The following SEPTIN3 variants were observed in gnomAD, a reference collection of about 807,000 sequenced individuals.
SEPTIN3 encodes the protein neuronal-specific septin-3.
Under a neutral mutation model 45.1 loss-of-function variants are expected in SEPTIN3, and 15 were observed. The observed-to-expected ratio is 0.33, with a 90% CI of 0.22 to 0.51. The LOEUF (loss-of-function observed/expected upper bound fraction) is 0.51, where lower values mean the gene tolerates loss of function less well. SEPTIN3 is among the 20% of genes least tolerant of loss of function. The pLI, the probability that SEPTIN3 is intolerant of heterozygous loss-of-function variation, is 0.97. For synonymous variants in SEPTIN3, 148 were observed against 164.8 expected, an observed-to-expected ratio of 0.90 and a Z score of 0.78; for missense variants, 289 against 457.2, an observed-to-expected ratio of 0.63 and a Z score of 3.35.
In SEPTIN3 at chr22:41,971,975, C is replaced by A. The variant is rs1007994565; in HGVS notation, c.483C>A (p.Gly161=). 2.5e-6 allele frequency: 1 copy of A among 399,120 alleles called. No individual in the cohort carries two copies. Among genetic ancestry groups the A allele is most frequent in the African/African-American group, 2.1e-5 (1 of 48,740 alleles). The allele number at this position is 399,120 out of a possible 1,614,324, so 24.7% of individuals were successfully genotyped here. A position where few individuals can be genotyped will look rare whatever the true frequency, so the allele number is the denominator to read the frequency against. The change falls in exon 2 of 12, where the codon GGC becomes GGA. Residue 161 remains glycine, a synonymous_variant. Transcript: ENST00000644076. ...CACCTGTGACCCTAGTGCCAGGGGG[C>A]AGGGTCCACTCTGAGGGCCCAGGGA... ...GSPPVTLVPG[G]RVHSEGPGNP...
intron 2 of SEPTIN3, among the ~76,000 whole-genome samples, chr22:41,979,696 C>T (rs1175497142): frequency 6.6e-6 from 1 of 152,196 alleles, no homozygotes; most frequent in East Asian, 1.9e-4. Context: ...CTGGGGAGGT[C>T]CTGAGGCTTT....
intron 2 of SEPTIN3, 115 bp from the exon 3 acceptor site, chr22:41,981,530 C>T: frequency 3.6e-6 from 3 of 825,472 alleles, no homozygotes; most frequent in South Asian, 1.8e-5. Context: ...TACTAAGATC[C>T]CTTCCAGGCC....
chr22:41,994,448 C>A lies in SEPTIN3; in HGVS notation c.2411+107C>A. 6.7e-7 allele frequency: 1 copy of A among 1,499,188 alleles called. No homozygotes were observed. The highest frequency in any genetic ancestry group is 1.4e-5 in the African/African-American group (1 of 72,442). The allele number at this position is 1,499,188 out of a possible 1,614,324, so 92.9% of individuals were successfully genotyped here. On this transcript the variant is annotated intron_variant, in intron 10 of 11. Transcript: ENST00000644076. This position sits in a 1 kb window ranked among gnomAD's most constrained non-coding sequence, Gnocchi z 4.2. ...GCATCTCCAGGTCTCTCTGACAGAG[C>A]TTTCTGCCCCAGTTCCAGCTCCTGT... is the stretch of plus-strand genomic sequence containing the variant.
intron 6 of SEPTIN3, among the ~76,000 whole-genome samples, 183 bp downstream of exon 6, chr22:41,987,942 G>A (rs181463488): frequency 6.6e-5 from 10 of 152,066 alleles, no homozygotes; most frequent in Middle Eastern, 3.4e-3. Flanking sequence ...GACTTTCCAC[G>A]AGGAAGTTTG....
At position 41,976,871 on chromosome 22, in the gene SEPTIN3, C is replaced by G. The variant is rs1484498132; in HGVS notation, c.1504+3875C>G. On this transcript the variant is annotated intron_variant, in intron 2 of 11. Transcript: ENST00000644076. This position sits in a 1 kb window ranked among gnomAD's most constrained non-coding sequence, Gnocchi z 5.8. ...GGCGCCGAGCGAGCCGAGGCGAGGTCCCGGGGAGGGCGCGGCGGCGCGGGG... is the reference window on the plus strand; with the variant it reads ...GGCGCCGAGCGAGCCGAGGCGAGGTGCCGGGGAGGGCGCGGCGGCGCGGGG... 6.0e-6 allele frequency: 1 copy of G among 167,766 alleles called. No homozygotes were observed. Among genetic ancestry groups the G allele is most frequent in the African/African-American group, 2.4e-5 (1 of 41,074 alleles). The allele number at this position is 167,766 out of a possible 1,614,324, so 10.4% of individuals were successfully genotyped here.
chr22:41,994,531 C>A lies in SEPTIN3; in HGVS notation c.2412-90C>A, dbSNP rs981666326. 3 of 1,586,954 alleles carry A rather than the reference C, an allele frequency of 1.9e-6. No homozygotes were observed. The African/African-American group carries it at 4.0e-5, about 21-fold the overall frequency. On this transcript the variant is annotated intron_variant, in intron 10 of 11. Coordinates refer to ENST00000644076, the MANE Select transcript of SEPTIN3 (RefSeq NM_001363845.2). This position sits in a 1 kb window ranked among gnomAD's most constrained non-coding sequence, Gnocchi z 4.2. Reference sequence around the variant, plus strand: ...AGCTCCTGGGAGTGGTTCCCATTCACTGGGTCCAGTCCCTCGAAGTGATGT... The same window carrying A: ...AGCTCCTGGGAGTGGTTCCCATTCAATGGGTCCAGTCCCTCGAAGTGATGT...
intron 2 of SEPTIN3, among the ~76,000 whole-genome samples, chr22:41,974,860 G>GAAAAAAAAAAAA (rs55642127): frequency 1.3e-5 from 1 of 74,290 alleles, no homozygotes; most frequent in African/African-American, 5.1e-5. Flanking sequence ...GTCTCAAAAA[G>GAAAAAAAAAAAA]AAAAAAAAAA....
rs13053833 is a variant in SEPTIN3 at position 41,976,377 on chromosome 22, C to T, written c.1504+3381C>T. ...ATGCGTGAAATTTTTTTCTAATGGG[C>T]AAACTGAGGCTCAGAGAAGTTCCTG... On this transcript the variant is annotated intron_variant, in intron 2 of 11. Transcript: ENST00000644076. The surrounding 1 kb of genome is among the most constrained non-coding windows in gnomAD (Gnocchi z 5.8). 6.6e-3 allele frequency: 1,011 copies of T among 152,428 alleles called. 5 individuals carry two copies. The highest frequency in any genetic ancestry group is 0.011 in the Non-Finnish European group (741 of 68,098). The allele number at this position is 152,428 out of a possible 1,614,324, so 9.4% of individuals were successfully genotyped here.
At position 41,989,668 on chromosome 22, in the gene SEPTIN3, C is replaced by T. The variant is rs1436956757; in HGVS notation, c.2147C>T (p.Ser716Phe). The T allele has an allele frequency of 1.2e-6, 2 of 1,611,356 alleles. No homozygotes were observed. Among genetic ancestry groups the T allele is most frequent in the Non-Finnish European group, 1.7e-6 (2 of 1,177,608 alleles). Residue 716 changes from serine to phenylalanine, a missense_variant, in exon 7 of 12, where the codon TCT becomes TTT. Ser to Phe is a radical substitution (Grantham distance 155). Around this residue, in one of 3 missense-constraint regions of SEPTIN3, gnomAD observed 200 missense variants for 315.1 expected, o/e 0.63. Transcript: ENST00000644076. ...KADTMTLEEKSEFKQRVRKEL... is the reference protein window; with the variant it reads ...KADTMTLEEKFEFKQRVRKEL... ...GACACCATGACCCTGGAGGAGAAGTCTGAATTCAAGCAAAGGGTGAGAAGG... is the reference window on the plus strand; with the variant it reads ...GACACCATGACCCTGGAGGAGAAGTTTGAATTCAAGCAAAGGGTGAGAAGG...
intron 8 of SEPTIN3, among the ~76,000 whole-genome samples, 183 bp downstream of exon 8, chr22:41,991,851 G>A (rs2146719668): frequency 6.6e-6 from 1 of 151,968 alleles, no homozygotes; most frequent in East Asian, 1.9e-4. Context: ...CCACAGAAGG[G>A]CTCCCTGTAC....
At chr22:41,987,596 A>G (rs766264093) in intron 5 of SEPTIN3, 26 bp from the exon 6 acceptor site, 6 of 1,598,382 alleles carry the variant, frequency 3.8e-6, no homozygotes, top group South Asian at 2.2e-5. Context: ...CTTCTGATGC[A>G]TCTATCTACT....
In SEPTIN3 at chr22:41,971,986, C is replaced by T; in HGVS notation, c.494C>T (p.Ser165Phe). ...CTAGTGCCAGGGGGCAGGGTCCACTCTGAGGGCCCAGGGAACCCAGGTCTG... is the reference window on the plus strand; with the variant it reads ...CTAGTGCCAGGGGGCAGGGTCCACTTTGAGGGCCCAGGGAACCCAGGTCTG... Reference protein sequence around the residue: ...VTLVPGGRVHSEGPGNPGLTK... With the variant: ...VTLVPGGRVHFEGPGNPGLTK... Residue 165 changes from serine (S) to phenylalanine (F), a missense_variant, in exon 2 of 12, where the codon TCT (serine) becomes TTT (phenylalanine). By Grantham distance (155) the Ser-to-Phe change is radical. Around this residue, in one of 3 missense-constraint regions of SEPTIN3, gnomAD observed 200 missense variants for 315.1 expected, o/e 0.63. Coordinates refer to ENST00000644076, the MANE Select transcript of SEPTIN3 (RefSeq NM_001363845.2). 2.5e-6 allele frequency: 1 copy of T among 399,146 alleles called. No homozygotes were observed. The allele number at this position is 399,146 out of a possible 1,614,324, so 24.7% of individuals were successfully genotyped here. A position where few individuals can be genotyped will look rare whatever the true frequency, so the allele number is the denominator to read the frequency against.
rs1405768722 is a variant in SEPTIN3 at position 41,976,070 on chromosome 22, A to G, written c.1504+3074A>G. Among the ~76,000 whole-genome samples the G allele has an allele frequency of 5.9e-5, 9 of 151,606 alleles. No individual in the cohort carries two copies. The highest frequency in any genetic ancestry group is 4.6e-4 in the Admixed American group (7 of 15,218). On this transcript the variant is annotated intron_variant, in intron 2 of 11. Transcript: ENST00000644076. The surrounding 1 kb of genome is among the most constrained non-coding windows in gnomAD (Gnocchi z 5.8). ...GCAGCTCTCACCTCTGGAGACCCTC[A>G]CCTCTGCTGTCCTCTCTTTGCAGAA...
intron 2 of SEPTIN3, 27 bp downstream of exon 2, chr22:41,973,023 G>A (rs2077974533): frequency 2.5e-6 from 1 of 398,840 alleles, no homozygotes; most frequent in Admixed American, 4.4e-5. Flanking sequence ...GGTTGGGGAT[G>A]GACTAGGCTG....
chr22:41,980,611 G>A (rs1024442169), intron 2 of SEPTIN3, among the ~76,000 whole-genome samples: 9 of 152,126 alleles, frequency 5.9e-5, no homozygotes, highest in Admixed American at 3.3e-4. Context: ...TACCCCAATT[G>A]TATGGATGGG....
rs1477494693 is a variant in SEPTIN3, at chr22:41,991,618, A to G, written c.2209A>G (p.Lys737Glu). The change falls in exon 8 of 12, where the codon AAG becomes GAG. Residue 737 changes from lysine to glutamate, a missense_variant. Lys to Glu is a moderately conservative substitution (Grantham distance 56). Coordinates refer to ENST00000644076, the MANE Select transcript of SEPTIN3 (RefSeq NM_001363845.2). ...EVNGIEFYPQ[K>E]EFDEDLEDKT... ...AAATGGCATTGAATTCTACCCCCAG[A>G]AGGAATTTGATGAGGATTTGGAGGA... is the stretch of plus-strand genomic sequence containing the variant. The G allele has an allele frequency of 1.2e-6, 2 of 1,614,064 alleles. No homozygotes were observed. Among genetic ancestry groups the G allele is most frequent in the African/African-American group, 1.3e-5 (1 of 75,034 alleles).
chr22:41,979,327 C>T (rs1229187924), intron 2 of SEPTIN3, among the ~76,000 whole-genome samples: 2 of 152,176 alleles, frequency 1.3e-5, no homozygotes, highest in Non-Finnish European at 2.9e-5. Flanking sequence ...AATCTTTACA[C>T]AACCTCTCAT....
At chr22:41,991,778 T>A in intron 8 of SEPTIN3, 110 bp downstream of exon 8, 1 of 802,804 alleles carries the variant, frequency 1.2e-6, no homozygotes, top group Admixed American at 1.9e-5. Flanking sequence ...CCCCCAACCT[T>A]GCCTGACCCA....
In SEPTIN3 at chr22:41,994,883, C is replaced by CTGTGTGTGTGTGTGTGTGTG. The variant is rs59942714; in HGVS notation, c.2505+190_2505+209dup. On this transcript the variant is annotated intron_variant, in intron 11 of 11. Transcript: ENST00000644076. This position sits in a 1 kb window ranked among gnomAD's most constrained non-coding sequence, Gnocchi z 4.2. ...GTCTGGTATTTGTGGAGCATCTTGT[C>CTGTGTGTGTGTGTGTGTGTG]TGTGTGTGTGTGTGTGTGTGTGTGT... 6.7e-6 allele frequency: 9 copies of CTGTGTGTGTGTGTGTGTGTG among 1,343,396 alleles called. No homozygotes were observed. The East Asian group carries it at 2.8e-4, about 42-fold the overall frequency. 83.2% of individuals were successfully genotyped at this position (1,343,396 alleles called of 1,614,324 possible).
Sources: allele counts gnomAD v4.1 joint callset (sites outside exome capture counted in the v4.1 genomes callset), GRCh38; gene constraint gnomAD v4.1.1; regional missense constraint gnomAD v4.1.1; non-coding constraint Gnocchi (gnomAD v3.1); transcripts MANE v1.5; gene names NCBI Gene and HGNC (gene_info 2026-07-23, HGNC 2026-07-21).